PGM2L1: variants seen among roughly 807,000 people sequenced by gnomAD.
PGM2L1 encodes the protein glucose 1,6-bisphosphate synthase.
A neutral mutation model predicts 73.4 loss-of-function variants in PGM2L1; 35 were observed. That is an observed-to-expected ratio of 0.48 (90% confidence interval 0.36 to 0.63). The LOEUF is 0.63. Among genes scored for constraint, PGM2L1 ranks in the 30% least tolerant of loss-of-function variants. The pLI is 0.00. For missense variants in PGM2L1, 570 were observed against 742.0 expected (o/e 0.77, Z 2.69); for synonymous variants, 225 against 253.8 (o/e 0.89, Z 1.08).
chr11:74,382,548 G>C (rs1266111713), intron 1 of PGM2L1, among the ~76,000 whole-genome samples: 1 of 151,978 alleles, frequency 6.6e-6, no homozygotes, highest in Non-Finnish European at 1.5e-5. Context: ...ACCTAGGCTG[G>C]AGTACAGTGG....
chr11:74,360,914 G>A (rs945187047), intron 5 of PGM2L1, among the ~76,000 whole-genome samples: 15 of 152,218 alleles, frequency 9.9e-5, no homozygotes, highest in African/African-American at 3.6e-4. Flanking sequence ...CTCGAACTGG[G>A]TGGAGCCCAC....
At chr11:74,352,642 T>G (rs187493755) in intron 5 of PGM2L1, among the ~76,000 whole-genome samples, 4 of 152,320 alleles carry the variant, frequency 2.6e-5, no homozygotes, top group Admixed American at 2.6e-4. Context: ...CTAATCTCTA[T>G]GCAAAGAATA....
intron 1 of PGM2L1, among the ~76,000 whole-genome samples, chr11:74,378,351 T>C (rs937854929): frequency 3.3e-5 from 5 of 152,202 alleles, no homozygotes; most frequent in African/African-American, 9.6e-5. Context: ...TGACCTATTA[T>C]ATAAAATGAA....
chr11:74,342,012 A>G (rs1862190117), intron 12 of PGM2L1, among the ~76,000 whole-genome samples: 1 of 152,066 alleles, frequency 6.6e-6, no homozygotes, highest in Non-Finnish European at 1.5e-5. Flanking sequence ...GCATATAATG[A>G]GCAGTGAGGG....
intron 1 of PGM2L1, among the ~76,000 whole-genome samples, chr11:74,389,968 A>AAAAAAAAT (rs1863072163): frequency 7.3e-6 from 1 of 137,056 alleles, no homozygotes; most frequent in Admixed American, 7.2e-5. Context: ...AAAAAAAAAA[A>AAAAAAAAT]ATTAGCCAGG....
intron 1 of PGM2L1, among the ~76,000 whole-genome samples, chr11:74,395,549 C>CCTTTTTTTTTTTTTTTTTTTTTTTT (rs1218218679): frequency 1.5e-5 from 1 of 64,918 alleles, no homozygotes; most frequent in African/African-American, 7.1e-5. Flanking sequence ...CCTCGCCTGG[C>CCTTTTTTTTTTTTTTTTTTTTTTTT]TTTTTTTTTT....
chr11:74,353,135 G>T (rs1862383664), intron 5 of PGM2L1, among the ~76,000 whole-genome samples: 1 of 151,500 alleles, frequency 6.6e-6, no homozygotes, highest in Non-Finnish European at 1.5e-5. Flanking sequence ...AAATCCTTGA[G>T]GTTCTAGCAG....
rs1169055167 is a variant in PGM2L1 at position 74,333,338 on chromosome 11, T to C, written c.*3314A>G. 6.6e-6 allele frequency: 1 copy of C among 152,194 alleles called. No individual in the cohort carries two copies. Among genetic ancestry groups the C allele is most frequent in the Non-Finnish European group, 1.5e-5 (1 of 68,018 alleles). 9.4% of individuals were successfully genotyped at this position (152,194 alleles called of 1,614,324 possible). On this transcript the variant is annotated 3_prime_UTR_variant, in exon 14 of 14. Transcript: ENST00000298198. ...AGAGATGGAGAACACTATGGCATAGTATTTCTTACTTTGAACCCTTCAATA... is the reference window on the plus strand; with the variant it reads ...AGAGATGGAGAACACTATGGCATAGCATTTCTTACTTTGAACCCTTCAATA...
intron 10 of PGM2L1, 147 bp from the exon 11 acceptor site, chr11:74,343,161 C>T (rs544834842): frequency 1.1e-5 from 15 of 1,324,600 alleles, no homozygotes; most frequent in Admixed American, 6.2e-5. Flanking sequence ...GGGACACTTT[C>T]GTTCTTTTTT....
intron 5 of PGM2L1, among the ~76,000 whole-genome samples, chr11:74,360,836 C>T (rs930517866): frequency 4.6e-5 from 7 of 152,182 alleles, no homozygotes; most frequent in African/African-American, 1.2e-4. Context: ...ACTGCAAGGC[C>T]GCAGTGAGGC....
At chr11:74,396,284 T>G (rs1591196762) in intron 1 of PGM2L1, among the ~76,000 whole-genome samples, 2 of 121,656 alleles carry the variant, frequency 1.6e-5, no homozygotes, top group African/African-American at 6.1e-5. Flanking sequence ...AAAAAAAAAA[T>G]CAATCAGGAG....
intron 2 of PGM2L1, among the ~76,000 whole-genome samples, chr11:74,374,072 AC>A (rs869288128): frequency 0.012 from 1,320 of 106,668 alleles, 22 homozygotes; most frequent in South Asian, 0.024. Context: ...AAAAAAAAAA[AC>A]CAGACTGAGA....
intron 5 of PGM2L1, among the ~76,000 whole-genome samples, chr11:74,353,829 C>T (rs1406363030): frequency 3.6e-3 from 3 of 838 alleles, no homozygotes; most frequent in East Asian, 0.067. Context: ...CATCATGGCC[C>T]GTTCTCAATG....
At chr11:74,383,522 G>C (rs1387095870) in intron 1 of PGM2L1, among the ~76,000 whole-genome samples, 1 of 151,858 alleles carries the variant, frequency 6.6e-6, no homozygotes, top group Non-Finnish European at 1.5e-5. Flanking sequence ...TGCCATGGTG[G>C]TCTGCTGCAC....
chr11:74,343,439 CTAGTT>C, intron 9 of PGM2L1, 23 bp from the exon 10 acceptor site: 1 of 1,601,220 alleles, frequency 6.2e-7, no homozygotes, highest in Non-Finnish European at 8.5e-7. Flanking sequence ...GGAGGCCACT[CTAGTT>C]AAGTGACTGT....
In PGM2L1 at chr11:74,359,564, C is replaced by CAT. The variant is rs56089033; in HGVS notation, c.556-7990_556-7989dup. Among the ~76,000 whole-genome samples the CAT allele has an allele frequency of 6.5e-3, 980 of 150,042 alleles. 19 individuals carry two copies. The South Asian group carries it at 0.069, about 11-fold the overall frequency. The stretch of plus-strand genomic sequence containing the variant: ...ATGTGTGTATATATACACGTACATA[C>CAT]ATATATATATATATATACACATACA... On this transcript the variant is annotated intron_variant, in intron 5 of 13. Coordinates refer to ENST00000298198, the MANE Select transcript of PGM2L1 (RefSeq NM_173582.6).
At chr11:74,377,340 A>G (rs752439671) in intron 1 of PGM2L1, among the ~76,000 whole-genome samples, 2 of 152,036 alleles carry the variant, frequency 1.3e-5, no homozygotes, top group Admixed American at 6.6e-5. Flanking sequence ...TCACCGTGTT[A>G]GCCAGGATGG....
chr11:74,338,331 A>G (rs760681737), intron 13 of PGM2L1, 137 bp downstream of exon 13: 6 of 779,932 alleles, frequency 7.7e-6, no homozygotes, highest in Non-Finnish European at 7.1e-6. Flanking sequence ...TCTAAAATTG[A>G]TTACAGTGAT....
chr11:74,362,824 A>T (rs1053532346), intron 5 of PGM2L1, among the ~76,000 whole-genome samples: 73 of 152,210 alleles, frequency 4.8e-4, no homozygotes, highest in Non-Finnish European at 9.6e-4. Flanking sequence ...CATTAGACAG[A>T]TCAACGAGAC....
Sources: gnomAD v4.1 joint callset for allele counts (sites outside exome capture counted in the v4.1 genomes callset) on GRCh38, gnomAD v4.1.1 for gene constraint, MANE v1.5 for transcripts, NCBI Gene and HGNC (gene_info 2026-07-23, HGNC 2026-07-21) for gene names.